The following MGAT4C variants were observed in gnomAD, a reference collection of about 807,000 sequenced individuals.
MGAT4C encodes alpha-1,3-mannosyl-glycoprotein 4-beta-N-acetylglucosaminyltransferase C.
In MGAT4C, 19 loss-of-function variants were observed where a neutral mutation model predicts 40.1. The ratio of observed to expected loss-of-function variants is 0.47; its 90% CI spans 0.33 to 0.70. The LOEUF (loss-of-function observed/expected upper bound fraction) is 0.70, where lower values mean the gene tolerates loss of function less well. Among genes scored for constraint, MGAT4C ranks in the 30% least tolerant of loss-of-function variants. MGAT4C has a pLI of 0.02. For synonymous variants in MGAT4C, 181 were observed against 187.1 expected, an observed-to-expected ratio of 0.97 and a Z score of 0.27; for missense variants, 491 against 563.2, an observed-to-expected ratio of 0.87 and a Z score of 1.30.
intron 1 of MGAT4C, among the ~76,000 whole-genome samples, chr12:86,178,732 G>A (rs918589119): frequency 4.6e-5 from 7 of 152,074 alleles, no homozygotes; most frequent in African/African-American, 1.7e-4. Flanking sequence ...TTAATCTTAA[G>A]ATACTCATAT....
intron 4 of MGAT4C, among the ~76,000 whole-genome samples, chr12:86,318,754 A>C (rs1954305137): frequency 6.6e-6 from 1 of 152,142 alleles, no homozygotes; most frequent in Non-Finnish European, 1.5e-5. Context: ...TATTCACCCA[A>C]CCATCCCAAC....
chr12:86,380,773 C>A (rs1227902463), intron 3 of MGAT4C, among the ~76,000 whole-genome samples: 3 of 152,120 alleles, frequency 2.0e-5, no homozygotes, highest in Non-Finnish European at 1.5e-5. Context: ...GATGCTTTAA[C>A]AAGGAGATTG....
chr12:86,344,748 G>GTGTGTA (rs1954988135), intron 3 of MGAT4C, among the ~76,000 whole-genome samples: 1 of 117,656 alleles, frequency 8.5e-6, no homozygotes, highest in East Asian at 2.3e-4. Context: ...GTGTGTGTGT[G>GTGTGTA]TGTGTGTATG....
intron 2 of MGAT4C, among the ~76,000 whole-genome samples, chr12:86,688,828 G>A (rs772675388): frequency 1.3e-5 from 2 of 152,018 alleles, no homozygotes; most frequent in Non-Finnish European, 1.5e-5. Flanking sequence ...GTGTCTGGGG[G>A]TTATTCTTCT....
chr12:85,989,347 T>A, intron 3 of MGAT4C, 53 bp downstream of exon 3: 1 of 1,473,490 alleles, frequency 6.8e-7, no homozygotes, highest in Non-Finnish European at 9.1e-7. Context: ...GACTAATTCT[T>A]GTTTGACTTA....
At chr12:86,427,727 A>G (rs1171648090) in intron 3 of MGAT4C, among the ~76,000 whole-genome samples, 2 of 152,198 alleles carry the variant, frequency 1.3e-5, no homozygotes, top group African/African-American at 2.4e-5. Flanking sequence ...GGAATATTTA[A>G]AAGCTAATAT....
chr12:86,615,372 A>G (rs1299266225), intron 2 of MGAT4C, among the ~76,000 whole-genome samples: 1 of 152,102 alleles, frequency 6.6e-6, no homozygotes, highest in East Asian at 1.9e-4. Context: ...AGACAGGTAC[A>G]TTAGTGATTT....
intron 1 of MGAT4C, among the ~76,000 whole-genome samples, chr12:86,816,735 G>C (rs1952615004): frequency 1.3e-5 from 2 of 151,648 alleles, no homozygotes; most frequent in African/African-American, 4.8e-5. Flanking sequence ...TGTGTATTGA[G>C]TGGATATGTC....
At chr12:86,422,924 A>C (rs1178191504) in intron 3 of MGAT4C, among the ~76,000 whole-genome samples, 1 of 152,166 alleles carries the variant, frequency 6.6e-6, no homozygotes, top group East Asian at 1.9e-4. Context: ...CTTTCCCACC[A>C]GTGTCAAGTG....
intron 2 of MGAT4C, among the ~76,000 whole-genome samples, chr12:85,996,901 T>C (rs1886688225): frequency 6.6e-6 from 1 of 152,310 alleles, no homozygotes; most frequent in African/African-American, 2.4e-5. Context: ...AACATGCAAA[T>C]ACAAAACCAG....
intron 1 of MGAT4C, among the ~76,000 whole-genome samples, chr12:86,832,756 A>T (rs978452562): frequency 2.6e-5 from 4 of 151,802 alleles, no homozygotes; most frequent in African/African-American, 9.7e-5. Context: ...TAACCACGTA[A>T]TCTACTTATG....
chr12:86,639,813 A>G (rs1355107198), intron 2 of MGAT4C, among the ~76,000 whole-genome samples: 3 of 151,708 alleles, frequency 2.0e-5, no homozygotes, highest in Non-Finnish European at 3.0e-5. Flanking sequence ...TGGAATCAAC[A>G]ACTCAAACCT....
intron 1 of MGAT4C, among the ~76,000 whole-genome samples, chr12:86,773,307 A>G (rs1056315956): frequency 1.3e-5 from 2 of 152,186 alleles, no homozygotes; most frequent in African/African-American, 4.8e-5. Flanking sequence ...GGAAGAGGAT[A>G]TGAAAACACA....
intron 3 of MGAT4C, among the ~76,000 whole-genome samples, chr12:86,378,865 T>G (rs1239208998): frequency 4.6e-5 from 7 of 152,066 alleles, no homozygotes; most frequent in Non-Finnish European, 1.0e-4. Flanking sequence ...GGATCCAGAC[T>G]AGAGAAGTTT....
At chr12:86,471,220 A>T (rs1957753669) in intron 2 of MGAT4C, among the ~76,000 whole-genome samples, 1 of 152,056 alleles carries the variant, frequency 6.6e-6, no homozygotes, top group Non-Finnish European at 1.5e-5. Context: ...GATAAACATA[A>T]AAGATAATTT....
At chr12:86,729,083 A>G (rs540886783) in intron 1 of MGAT4C, among the ~76,000 whole-genome samples, 1 of 152,218 alleles carries the variant, frequency 6.6e-6, no homozygotes, top group Non-Finnish European at 1.5e-5. Context: ...AAGAAGACAC[A>G]TAAAAGATGG....
At chr12:86,212,585 C>G (rs1038312809) in intron 1 of MGAT4C, among the ~76,000 whole-genome samples, 2 of 151,762 alleles carry the variant, frequency 1.3e-5, no homozygotes, top group Non-Finnish European at 2.9e-5. Flanking sequence ...AAAAGAAAAA[C>G]AAAGGTATAA....
chr12:86,653,723 A>T (rs2136538294), intron 2 of MGAT4C, among the ~76,000 whole-genome samples: 1 of 152,068 alleles, frequency 6.6e-6, no homozygotes, highest in Admixed American at 6.6e-5. Flanking sequence ...TTTGTCAATT[A>T]TCAATGGAAT....
chr12:86,295,912 G>A (rs4842616), intron 4 of MGAT4C, among the ~76,000 whole-genome samples: 122,901 of 144,570 alleles, frequency 0.85, 52,253 homozygotes, highest in East Asian at 0.95. Flanking sequence ...CGACTGGTTT[G>A]TTTACAATCC....
Sources: gnomAD v4.1 joint callset for allele counts (sites outside exome capture counted in the v4.1 genomes callset) on GRCh38, gnomAD v4.1.1 for gene constraint, MANE v1.5 for transcripts, NCBI Gene and HGNC (gene_info 2026-07-23, HGNC 2026-07-21) for gene names.